PLD1: variants seen among roughly 807,000 people sequenced by gnomAD.
PLD1 encodes the protein phospholipase D1, also known as choline phosphatase 1.
In PLD1, 112 loss-of-function variants were observed where a neutral mutation model predicts 137.1. The ratio of observed to expected loss-of-function variants is 0.82; its 90% CI spans 0.70 to 0.96. PLD1 has a LOEUF of 0.96. Ranked by LOEUF, PLD1 falls within the 40% of genes least tolerant of loss-of-function variation. The probability of loss-of-function intolerance (pLI) is 0.00; values close to 1 mark genes in which losing one functional copy is unlikely to be tolerated. For synonymous variants in PLD1, 431 were observed against 454.7 expected (o/e 0.95, Z 0.66); for missense variants, 1,321 against 1,342.0 (o/e 0.98, Z 0.24).
chr3:171,617,610 GA>G (rs1386577373), intron 24 of PLD1, among the ~76,000 whole-genome samples: 2 of 152,152 alleles, frequency 1.3e-5, no homozygotes, highest in African/African-American at 2.4e-5. Context: ...CTTTGTTTTG[GA>G]AACCAAATAT....
At chr3:171,744,951 G>C (rs778118891) in intron 1 of PLD1, among the ~76,000 whole-genome samples, 5 of 152,150 alleles carry the variant, frequency 3.3e-5, no homozygotes, top group Non-Finnish European at 5.9e-5. Flanking sequence ...ACTGAATTAG[G>C]ATATAACTCA....
intron 1 of PLD1, among the ~76,000 whole-genome samples, chr3:171,742,874 C>T (rs922405795): frequency 7.2e-5 from 11 of 152,170 alleles, no homozygotes; most frequent in Non-Finnish European, 1.6e-4. Flanking sequence ...ACATATTTTA[C>T]ATTCCAGACT....
At chr3:171,802,168 T>C (rs1010514743) in intron 1 of PLD1, among the ~76,000 whole-genome samples, 3 of 152,186 alleles carry the variant, frequency 2.0e-5, no homozygotes, top group Non-Finnish European at 4.4e-5. Flanking sequence ...CTTGGAAAGG[T>C]AGTCATTCAA....
intron 23 of PLD1, among the ~76,000 whole-genome samples, chr3:171,631,930 G>A (rs1006224327): frequency 4.6e-5 from 7 of 152,080 alleles, no homozygotes; most frequent in Admixed American, 6.6e-5. Flanking sequence ...AATAATTAAC[G>A]CATGCTAAAA....
chr3:171,736,696 A>G (rs1196868620), intron 3 of PLD1, among the ~76,000 whole-genome samples: 3 of 152,178 alleles, frequency 2.0e-5, no homozygotes, highest in Non-Finnish European at 4.4e-5. Context: ...AAGGCAAAGC[A>G]TGCCCTGACA....
intron 6 of PLD1, among the ~76,000 whole-genome samples, chr3:171,733,028 A>G (rs1009088583): frequency 5.3e-5 from 8 of 152,210 alleles, no homozygotes; most frequent in East Asian, 1.9e-4. Context: ...TCAGATGGCA[A>G]TCGCCCTACG....
At chr3:171,687,222 T>C in intron 15 of PLD1, 149 bp downstream of exon 15, 1 of 645,544 alleles carries the variant, frequency 1.5e-6, no homozygotes. Context: ...CCAAATGGCA[T>C]GAGGTTGAAT....
intron 16 of PLD1, among the ~76,000 whole-genome samples, chr3:171,679,117 C>T (rs879477024): frequency 3.9e-5 from 6 of 152,226 alleles, no homozygotes; most frequent in Admixed American, 2.6e-4. Context: ...CCTCACCAGT[C>T]TATAAACTCT....
Position 171,600,500 on chromosome 3 carries a change from T to C in PLD1, c.*2578A>G, listed in dbSNP as rs1329095394. 6.6e-6 allele frequency: 1 copy of C among 152,216 alleles called. No homozygotes were observed. Among genetic ancestry groups the C allele is most frequent in the African/African-American group, 2.4e-5 (1 of 41,462 alleles). 9.4% of individuals were successfully genotyped at this position (152,216 alleles called of 1,614,324 possible). Reference sequence around the variant, plus strand: ...TCAAGGCTTTGAATTATTTACATTTTAAAAAGTTTATCAGATATTGCAATG... The same window carrying C: ...TCAAGGCTTTGAATTATTTACATTTCAAAAAGTTTATCAGATATTGCAATG... On this transcript the variant is annotated 3_prime_UTR_variant, in exon 27 of 27. Coordinates refer to ENST00000351298, the MANE Select transcript of PLD1 (RefSeq NM_002662.5).
At chr3:171,632,948 T>TA (rs1375838057) in intron 23 of PLD1, among the ~76,000 whole-genome samples, 4 of 152,196 alleles carry the variant, frequency 2.6e-5, no homozygotes, top group Non-Finnish European at 4.4e-5. Context: ...GACTATGCAA[T>TA]AACTCTTACG....
chr3:171,788,251 T>TTTA (rs1723087174), intron 1 of PLD1, among the ~76,000 whole-genome samples: 1 of 36,522 alleles, frequency 2.7e-5, no homozygotes, highest in Non-Finnish European at 5.2e-5. Flanking sequence ...TCTGCACTTC[T>TTTA]TTTTTTTTTT....
chr3:171,785,155 A>G (rs1183391536), intron 1 of PLD1, among the ~76,000 whole-genome samples: 1 of 152,208 alleles, frequency 6.6e-6, no homozygotes, highest in Non-Finnish European at 1.5e-5. Flanking sequence ...AATGCTTGTC[A>G]TAAGGTTGGA....
chr3:171,645,883 CAA>C (rs1162718346), intron 21 of PLD1, among the ~76,000 whole-genome samples: 726 of 59,160 alleles, frequency 0.012, 8 homozygotes, highest in African/African-American at 0.033. Flanking sequence ...GACTCCATCT[CAA>C]AAAAAAAAAA....
chr3:171,613,071 G>A (rs981953957), intron 24 of PLD1, among the ~76,000 whole-genome samples: 4 of 152,022 alleles, frequency 2.6e-5, no homozygotes, highest in African/African-American at 9.7e-5. Context: ...TCGGAATGCT[G>A]AGGCAGGAGG....
chr3:171,628,540 C>T (rs1351562404), intron 23 of PLD1, among the ~76,000 whole-genome samples: 14 of 149,568 alleles, frequency 9.4e-5, no homozygotes, highest in East Asian at 2.0e-4. Context: ...ATACCAAAGC[C>T]GGGCAGAGAC....
chr3:171,686,738 T>C lies in PLD1; in HGVS notation c.1814A>G (p.Lys605Arg). ...NLIHGLKPHF[K>R]LFHPSSESEQ... ...AGACTCACTGGACGGGTGAAAGAGT[T>C]TGAAGTGGGGTTTTAAACCATGGAT... Residue 605 changes from lysine to arginine, a missense_variant, in exon 16 of 27, where the codon AAA becomes AGA. By Grantham distance (26) the Lys-to-Arg change is conservative. Coordinates refer to ENST00000351298, the MANE Select transcript of PLD1 (RefSeq NM_002662.5). The C allele has an allele frequency of 1.9e-6, 3 of 1,610,232 alleles. No individual in the cohort carries two copies. Among genetic ancestry groups the C allele is most frequent in the South Asian group, 1.1e-5 (1 of 90,976 alleles).
intron 14 of PLD1, 104 bp downstream of exon 14, chr3:171,688,572 A>T: frequency 1.1e-6 from 1 of 908,352 alleles, no homozygotes; most frequent in Non-Finnish European, 1.8e-6. Flanking sequence ...CCCTCCAAGG[A>T]GACACCATCT....
At chr3:171,793,264 A>C (rs1723293929) in intron 1 of PLD1, 1 of 152,164 alleles carries the variant, frequency 6.6e-6, no homozygotes, top group Non-Finnish European at 1.5e-5. Flanking sequence ...AATTTTCATC[A>C]AGATTGGGAA....
At chr3:171,714,150 A>G in intron 8 of PLD1, 105 bp from the exon 9 acceptor site, 1 of 664,206 alleles carries the variant, frequency 1.5e-6, no homozygotes, top group South Asian at 2.1e-5. Context: ...CAGACTGTAG[A>G]CATAATTACA....
Sources: gnomAD v4.1 joint callset for allele counts (sites outside exome capture counted in the v4.1 genomes callset) on GRCh38, gnomAD v4.1.1 for gene constraint, MANE v1.5 for transcripts, NCBI Gene and HGNC (gene_info 2026-07-23, HGNC 2026-07-21) for gene names.